KCNK2: variants seen among roughly 807,000 people sequenced by gnomAD.
The protein encoded by KCNK2 is potassium two pore domain channel subfamily K member 2, also known as potassium channel subfamily K member 2.
A neutral mutation model predicts 40.5 loss-of-function variants in KCNK2; 21 were observed. That is an observed-to-expected ratio of 0.52 (90% CI 0.37 to 0.75). The LOEUF is 0.75. Among genes scored for constraint, KCNK2 ranks in the 30% least tolerant of loss-of-function variants. KCNK2 has a pLI of 0.00. For synonymous variants in KCNK2, 191 were observed against 202.2 expected (o/e 0.94, Z 0.47); for missense variants, 399 against 531.6 (o/e 0.75, Z 2.45).
intron 2 of KCNK2, among the ~76,000 whole-genome samples, chr1:215,102,246 G>A (rs1359748392): frequency 1.3e-5 from 2 of 151,988 alleles, no homozygotes; most frequent in African/African-American, 4.8e-5. Flanking sequence ...ACAAGATGTG[G>A]AGGTGGAAGA....
intron 2 of KCNK2, among the ~76,000 whole-genome samples, chr1:215,096,046 T>G (rs550311989): frequency 5.9e-5 from 9 of 152,198 alleles, no homozygotes; most frequent in African/African-American, 2.2e-4. Flanking sequence ...GTGCTACCTG[T>G]TGGATTATAC....
chr1:215,040,697 C>T (rs1023764402), intron 1 of KCNK2, among the ~76,000 whole-genome samples: 30 of 152,168 alleles, frequency 2.0e-4, no homozygotes, highest in African/African-American at 7.0e-4. Flanking sequence ...AGTGTGGCCA[C>T]TTGCTAGCTA....
chr1:215,010,860 TTTTTTTTTTGTG>T (rs1558055473), intron 1 of KCNK2, among the ~76,000 whole-genome samples: 1 of 116,042 alleles, frequency 8.6e-6, no homozygotes. Flanking sequence ...GATTTTTTTT[TTTTTTTTTTGTG>T]TGTGTGTGTG....
At chr1:215,178,333 A>G (rs76988899) in intron 5 of KCNK2, among the ~76,000 whole-genome samples, 8,208 of 152,164 alleles carry the variant, frequency 0.054, 708 homozygotes, top group African/African-American at 0.18. Context: ...TTCTTTTCCT[A>G]TTTGGATGCT....
chr1:215,111,493 T>C (rs1660681607), intron 2 of KCNK2, among the ~76,000 whole-genome samples: 1 of 152,184 alleles, frequency 6.6e-6, no homozygotes, highest in African/African-American at 2.4e-5. Flanking sequence ...ATGATGTTTG[T>C]TGAAGTTCAC....
chr1:215,086,502 A>G lies in KCNK2; in HGVS notation c.181A>G (p.Thr61Ala). ...GACCATTAATGTTATGAAATGGAAG[A>G]CGGTCTCCACGATATTCCTGGTGGT... The part of the protein sequence containing the change: ...DTTINVMKWK[T>A]VSTIFLVVVL... Residue 61 changes from threonine (T) to alanine (A), a missense_variant, in exon 2 of 7, where the codon ACG becomes GCG. By Grantham distance (58) the Thr-to-Ala change is moderately conservative. This residue lies in a region of KCNK2 where 279 missense variants were observed against 353.8 expected (regional missense o/e 0.79). Coordinates refer to ENST00000444842, the MANE Select transcript of KCNK2 (RefSeq NM_001017425.3). 6.2e-7 allele frequency: 1 copy of G among 1,614,144 alleles called. No individual in the cohort carries two copies. The highest frequency in any genetic ancestry group is 8.5e-7 in the Non-Finnish European group (1 of 1,180,034).
chr1:215,209,065 G>A (rs536817627), intron 6 of KCNK2, among the ~76,000 whole-genome samples: 26 of 151,274 alleles, frequency 1.7e-4, no homozygotes, highest in East Asian at 5.9e-4. Flanking sequence ...GACCTCAAGC[G>A]ATCCACCTGC....
chr1:215,152,049 GTTCACACTCC>G (rs1662706689), intron 3 of KCNK2, among the ~76,000 whole-genome samples: 1 of 151,898 alleles, frequency 6.6e-6, no homozygotes. Flanking sequence ...CCATTCTTTT[GTTCACACTCC>G]TTTAACTCCT....
At chr1:215,124,291 T>C (rs1661323061) in intron 2 of KCNK2, among the ~76,000 whole-genome samples, 1 of 152,156 alleles carries the variant, frequency 6.6e-6, no homozygotes, top group African/African-American at 2.4e-5. Context: ...ACCTGCTATT[T>C]TTATGCTGTG....
At chr1:215,069,584 TTG>T (rs1658677245) in intron 1 of KCNK2, among the ~76,000 whole-genome samples, 1 of 152,210 alleles carries the variant, frequency 6.6e-6, no homozygotes. Context: ...CTAATGTTTA[TTG>T]AGTTCTTAAT....
rs749682278 is a variant in KCNK2, at chr1:215,086,639, T to C, written c.318T>C (p.His106=). ...AGAAGCAAACATTCATATCCCAACA[T>C]TCCTGTGTCAATTCGACGGAGCTGG... The part of the protein sequence containing the change: ...VIQKQTFISQ[H]SCVNSTELDE... Residue 106 remains histidine, a synonymous_variant, in exon 2 of 7, where the codon CAT becomes CAC. Coordinates refer to ENST00000444842, the MANE Select transcript of KCNK2 (RefSeq NM_001017425.3). 2.5e-6 allele frequency: 4 copies of C among 1,614,122 alleles called. No homozygotes were observed. In the Admixed American group the frequency reaches 6.7e-5, roughly 27 times the overall value.
chr1:215,222,093 A>G (rs1008019703), intron 6 of KCNK2, among the ~76,000 whole-genome samples: 1 of 152,132 alleles, frequency 6.6e-6, no homozygotes, highest in Non-Finnish European at 1.5e-5. Context: ...AGATCTCGTA[A>G]GAACCCAATA....
chr1:215,192,362 T>C (rs1307031746), intron 5 of KCNK2, among the ~76,000 whole-genome samples: 2 of 152,192 alleles, frequency 1.3e-5, no homozygotes, highest in Non-Finnish European at 2.9e-5. Flanking sequence ...TAGACTCCAC[T>C]AAAACTTGTG....
chr1:215,160,051 G>A (rs903156129), intron 3 of KCNK2, among the ~76,000 whole-genome samples: 3 of 152,174 alleles, frequency 2.0e-5, no homozygotes, highest in African/African-American at 7.2e-5. Flanking sequence ...TATTCTGGGA[G>A]ATTAAAGGAA....
chr1:215,012,633 A>C (rs1342829324), intron 1 of KCNK2, among the ~76,000 whole-genome samples: 2 of 141,684 alleles, frequency 1.4e-5, no homozygotes, highest in South Asian at 2.4e-4. Context: ...CACCACACCC[A>C]GCTAATTTTT....
chr1:215,148,779 G>C (rs1662554950), intron 3 of KCNK2, among the ~76,000 whole-genome samples: 1 of 152,214 alleles, frequency 6.6e-6, no homozygotes. Context: ...CAAGATCACA[G>C]CTGGTTGAAA....
intron 1 of KCNK2, among the ~76,000 whole-genome samples, chr1:215,056,333 T>G (rs1658161813): frequency 7.4e-6 from 1 of 134,344 alleles, no homozygotes; most frequent in Non-Finnish European, 1.6e-5. Context: ...AGGAAAGAAA[T>G]TCATATTACC....
chr1:215,065,079 T>C (rs892756588), intron 1 of KCNK2, among the ~76,000 whole-genome samples: 5 of 152,226 alleles, frequency 3.3e-5, no homozygotes, highest in Admixed American at 6.5e-5. Flanking sequence ...AGCTGGGAAA[T>C]TAGACGTTAT....
upstream of KCNK2, chr1:215,081,694 G>A (rs150812185): frequency 4.6e-5 from 7 of 152,290 alleles, no homozygotes; most frequent in East Asian, 1.4e-3. Context: ...CTAGCAAACA[G>A]CAGTTGGGAT....
Sources: gnomAD v4.1 joint callset for allele counts (sites outside exome capture counted in the v4.1 genomes callset) on GRCh38, gnomAD v4.1.1 for gene constraint, gnomAD v4.1.1 regional missense constraint, MANE v1.5 for transcripts, NCBI Gene and HGNC (gene_info 2026-07-23, HGNC 2026-07-21) for gene names.